The following TFF1 variants were observed in gnomAD, a reference collection of about 807,000 sequenced individuals.
TFF1 encodes trefoil factor 1.
In TFF1, 8 loss-of-function variants were observed where a neutral mutation model predicts 7.7. The observed-to-expected ratio is 1.04, with a 90% CI of 0.61 to 1.87. The LOEUF (loss-of-function observed/expected upper bound fraction) is 1.87, where lower values mean the gene tolerates loss of function less well. Ranked by LOEUF, TFF1 falls within the 40% of genes most tolerant of loss-of-function variation. TFF1 has a pLI of 0.00. For missense variants in TFF1, 120 were observed against 113.4 expected (o/e 1.06, Z -0.26); for synonymous variants, 47 against 44.8 (o/e 1.05, Z -0.19).
At chr21:42,364,332 C>A (rs912292301) in intron 1 of TFF1, among the ~76,000 whole-genome samples, 8 of 152,060 alleles carry the variant, frequency 5.3e-5, no homozygotes, top group African/African-American at 1.9e-4. Flanking sequence ...TTCCAGAGAC[C>A]CAGGTGTGTT....
rs945099946 is a variant in TFF1 at position 42,362,329 on chromosome 21, G to A, written c.*150C>T. 3.7e-6 allele frequency: 3 copies of A among 819,492 alleles called. No individual in the cohort carries two copies. In the Admixed American group the frequency reaches 9.0e-5, roughly 25 times the overall value. 50.8% of individuals were successfully genotyped at this position (819,492 alleles called of 1,614,324 possible). On this transcript the variant is annotated 3_prime_UTR_variant, in exon 3 of 3. Transcript: ENST00000291527. The stretch of plus-strand genomic sequence containing the variant: ...TTTAGGCCAATTTTGAGTAGTCAAA[G>A]TCAGAGCAGTCAATCTGTGTTGTGA...
At chr21:42,364,434 T>C (rs903220631) in intron 1 of TFF1, among the ~76,000 whole-genome samples, 3 of 152,036 alleles carry the variant, frequency 2.0e-5, no homozygotes, top group Admixed American at 6.5e-5. Context: ...TGAAACAGCT[T>C]GAAGCAGGGC....
intron 1 of TFF1, among the ~76,000 whole-genome samples, chr21:42,364,920 G>A (rs994081886): frequency 2.0e-5 from 3 of 152,100 alleles, no homozygotes; most frequent in Admixed American, 6.5e-5. Context: ...GCCCACCCCC[G>A]GGACACTGTG....
rs146367440 is a variant in TFF1 at position 42,366,424 on chromosome 21, G to T, written c.72C>A (p.Ala24=). 37 of 1,611,510 alleles carry T rather than the reference G, an allele frequency of 2.3e-5. No individual in the cohort carries two copies. In the East Asian group the frequency reaches 8.3e-4, roughly 36 times the overall value. ...LVSMLALGTL[A]EAQTETCTVA... ...AGCACGCCTTACCTGTCTGGGCCTC[G>T]GCCAGGGTGCCGAGGGCCAGCATGG... Residue 24 remains alanine, a synonymous_variant, in exon 1 of 3, where the codon GCC becomes GCA. Transcript: ENST00000291527.
intron 1 of TFF1, among the ~76,000 whole-genome samples, 191 bp downstream of exon 1, chr21:42,366,220 G>A (rs1036197155): frequency 1.3e-5 from 2 of 152,136 alleles, no homozygotes; most frequent in East Asian, 3.9e-4. Context: ...GAAGGTCTCC[G>A]GGGGCCCTGC....
chr21:42,364,923 A>T (rs1157029194), intron 1 of TFF1, among the ~76,000 whole-genome samples: 3 of 151,904 alleles, frequency 2.0e-5, no homozygotes, highest in Non-Finnish European at 4.4e-5. Flanking sequence ...CACCCCCGGG[A>T]CACTGTGGGG....
chr21:42,363,463 A>G (rs2052256420), intron 1 of TFF1, 56 bp from the exon 2 acceptor site: 3 of 1,572,634 alleles, frequency 1.9e-6, no homozygotes, highest in Non-Finnish European at 2.6e-6. Flanking sequence ...CCTTGATGTT[A>G]TCATGCACAC....
At chr21:42,363,168 G>A (rs2052252832) in intron 2 of TFF1, 87 bp downstream of exon 2, 2 of 1,563,690 alleles carry the variant, frequency 1.3e-6, no homozygotes, top group Non-Finnish European at 1.8e-6. Context: ...GGCATAGCTG[G>A]TGATGCTGAT....
chr21:42,364,903 G>C (rs1202600792), intron 1 of TFF1, among the ~76,000 whole-genome samples: 6 of 152,292 alleles, frequency 3.9e-5, no homozygotes, highest in African/African-American at 1.2e-4. Flanking sequence ...ACGTGAAGGT[G>C]ATCATCGCCC....
Position 42,363,254 on chromosome 21 carries a change from C to G in TFF1, c.238+1G>C. ...GAACCCATCGTATAAAAAGGCCATACCTTCTGGAGGGACGTCGATGGTATT... is the reference window on the plus strand; with the variant it reads ...GAACCCATCGTATAAAAAGGCCATAGCTTCTGGAGGGACGTCGATGGTATT... On this transcript the variant is annotated splice_donor_variant, in intron 2 of 2. Coordinates refer to ENST00000291527, the MANE Select transcript of TFF1 (RefSeq NM_003225.3). LOFTEE classifies it high-confidence loss of function. 1 of 1,614,152 alleles carries G rather than the reference C, an allele frequency of 6.2e-7. No homozygotes were observed. Among genetic ancestry groups the G allele is most frequent in the Non-Finnish European group, 8.5e-7 (1 of 1,180,028 alleles).
intron 2 of TFF1, among the ~76,000 whole-genome samples, chr21:42,362,900 CA>C (rs34253894): frequency 0.61 from 71,428 of 117,346 alleles, 20,185 homozygotes; most frequent in Non-Finnish European, 0.68. Flanking sequence ...GACTCCATTT[CA>C]AAAAAAAAAA....
At chr21:42,363,229 G>C (rs778203095) in intron 2 of TFF1, 26 bp downstream of exon 2, 1 of 1,613,948 alleles carries the variant, frequency 6.2e-7, no homozygotes, top group South Asian at 1.1e-5. Flanking sequence ...TAAATCTTCA[G>C]AACCCATCGT....
At chr21:42,365,547 C>T (rs1408334807) in intron 1 of TFF1, among the ~76,000 whole-genome samples, 1 of 152,126 alleles carries the variant, frequency 6.6e-6, no homozygotes, top group African/African-American at 2.4e-5. Flanking sequence ...TGGGCGCTCC[C>T]TCTTCAGGCC....
At chr21:42,362,518 G>A in intron 2 of TFF1, 23 bp from the exon 3 acceptor site, 1 of 1,571,056 alleles carries the variant, frequency 6.4e-7, no homozygotes, top group Non-Finnish European at 8.6e-7. Context: ...GGGGGAGGGA[G>A]AAAGAGATGC....
intron 1 of TFF1, among the ~76,000 whole-genome samples, chr21:42,365,684 C>T (rs1182943189): frequency 6.6e-6 from 1 of 152,220 alleles, no homozygotes. Context: ...GTCGCAGATG[C>T]TGCCACACAG....
At chr21:42,366,250 C>T (rs952961458) in intron 1 of TFF1, among the ~76,000 whole-genome samples, 161 bp downstream of exon 1, 4 of 152,212 alleles carry the variant, frequency 2.6e-5, no homozygotes, top group African/African-American at 9.6e-5. Context: ...TTACTCTCCA[C>T]CTGCTTTTGC....
chr21:42,362,440 G>A lies in TFF1; in HGVS notation c.*39C>T, dbSNP rs1418132755. On this transcript the variant is annotated 3_prime_UTR_variant, in exon 3 of 3. Coordinates refer to ENST00000291527, the MANE Select transcript of TFF1 (RefSeq NM_003225.3). The stretch of plus-strand genomic sequence containing the variant: ...GGGACTAATCACCGTGCTGGGGACG[G>A]CACCGCGTCAGGATGCAGGCAGATC... 2 of 1,566,488 alleles carry A rather than the reference G, an allele frequency of 1.3e-6. No homozygotes were observed. Among genetic ancestry groups the A allele is most frequent in the Admixed American group, 1.9e-5 (1 of 53,600 alleles).
intron 1 of TFF1, among the ~76,000 whole-genome samples, chr21:42,364,306 G>A (rs1481508025): frequency 4.6e-5 from 7 of 152,086 alleles, no homozygotes; most frequent in Admixed American, 3.9e-4. Flanking sequence ...AGATGGAGCC[G>A]CATGGGCAAA....
At chr21:42,363,148 T>C in intron 2 of TFF1, 107 bp downstream of exon 2, 1 of 1,465,076 alleles carries the variant, frequency 6.8e-7, no homozygotes, top group Middle Eastern at 2.0e-4. Flanking sequence ...CGGCCGTGAC[T>C]CTGTGTAAAG....
Sources: gnomAD v4.1 joint callset for allele counts (sites outside exome capture counted in the v4.1 genomes callset) on GRCh38, gnomAD v4.1.1 for gene constraint, MANE v1.5 for transcripts, NCBI Gene and HGNC (gene_info 2026-07-23, HGNC 2026-07-21) for gene names.